The following TET2 variants were observed in gnomAD, a reference collection of about 807,000 sequenced individuals.
TET2 encodes methylcytosine dioxygenase TET2.
TET2 carries 299 observed loss-of-function variants against 142.9 expected under a neutral mutation model. The observed-to-expected ratio is 2.09, with a 90% CI of 1.90 to 2.30. TET2 has a LOEUF of 2.30. Among genes scored for constraint, TET2 ranks in the 30% most tolerant of loss-of-function variants. TET2 has a pLI of 0.00. For synonymous variants in TET2, 819 were observed against 849.0 expected (o/e 0.96, Z 0.61); for missense variants, 2,418 against 2,378.0 (o/e 1.02, Z -0.35).
At chr4:105,262,319 A>G (rs969880128) in intron 8 of TET2, among the ~76,000 whole-genome samples, 2 of 152,130 alleles carry the variant, frequency 1.3e-5, no homozygotes, top group Non-Finnish European at 2.9e-5. Context: ...GATTTTGCTG[A>G]TCTTCCTTTT....
At chr4:105,150,929 AT>A (rs1723266009) in intron 1 of TET2, among the ~76,000 whole-genome samples, 1 of 152,214 alleles carries the variant, frequency 6.6e-6, no homozygotes, top group Non-Finnish European at 1.5e-5. Context: ...TTCCAGCATT[AT>A]TTTTGTCCTA....
intron 2 of TET2, among the ~76,000 whole-genome samples, chr4:105,199,231 A>G (rs1223806521): frequency 1.3e-5 from 2 of 152,228 alleles, no homozygotes; most frequent in African/African-American, 2.4e-5. Flanking sequence ...TTACATCCTT[A>G]TAGGGCTCTC....
At chr4:105,204,234 TACAC>T (rs763239434) in intron 2 of TET2, among the ~76,000 whole-genome samples, 5,360 of 125,916 alleles carry the variant, frequency 0.043, 360 homozygotes, top group African/African-American at 0.15. Flanking sequence ...AAAAAATATA[TACAC>T]ACACACACAC....
intron 1 of TET2, among the ~76,000 whole-genome samples, chr4:105,172,731 A>G (rs1724546160): frequency 6.6e-6 from 1 of 152,232 alleles, no homozygotes; most frequent in Non-Finnish European, 1.5e-5. Flanking sequence ...GGTTTCTTGC[A>G]GATTGTTTGT....
At chr4:105,271,618 G>A (rs2647230) in intron 9 of TET2, among the ~76,000 whole-genome samples, 96,101 of 152,048 alleles carry the variant, frequency 0.63, 31,522 homozygotes, top group African/African-American at 0.83. Flanking sequence ...ATCTCATGTT[G>A]AAGTTATTTC....
chr4:105,187,755 C>T (rs1389600701), intron 1 of TET2, among the ~76,000 whole-genome samples: 2 of 152,136 alleles, frequency 1.3e-5, no homozygotes, highest in African/African-American at 4.8e-5. Flanking sequence ...TACTTGAGTA[C>T]TGCAATAAGC....
chr4:105,152,622 G>A (rs189146770), intron 1 of TET2, among the ~76,000 whole-genome samples: 1 of 115,536 alleles, frequency 8.7e-6, no homozygotes, highest in Non-Finnish European at 1.7e-5. Flanking sequence ...TTTTGAGACG[G>A]TATCTTGCTC....
In TET2 at chr4:105,278,832, T is replaced by C. The variant is rs1731335594; in HGVS notation, c.*2313T>C. On this transcript the variant is annotated 3_prime_UTR_variant, in exon 11 of 11. Transcript: ENST00000380013. ...TTGGCCAGAGACTTACTTGTAACTCTCTAAATGAAGTTTTTTTGATCCTGT... is the reference window on the plus strand; with the variant it reads ...TTGGCCAGAGACTTACTTGTAACTCCCTAAATGAAGTTTTTTTGATCCTGT... The C allele has an allele frequency of 1.3e-5, 3 of 232,952 alleles. No individual in the cohort carries two copies. The South Asian group carries it at 5.4e-4, about 42-fold the overall frequency. The allele number at this position is 232,952 out of a possible 1,614,324, so 14.4% of individuals were successfully genotyped here.
At chr4:105,163,806 CGAGAGAGAGAGAGAGAGA>C (rs59658275) in intron 1 of TET2, among the ~76,000 whole-genome samples, 7,508 of 79,946 alleles carry the variant, frequency 0.094, 347 homozygotes, top group African/African-American at 0.12. Flanking sequence ...TCGAAAGTTT[CGAGAGAGAGAGAGAGAGA>C]GAGAGAGAGA....
At chr4:105,241,846 A>T in intron 4 of TET2, 2 of 1,247,786 alleles carry the variant, frequency 1.6e-6, no homozygotes, top group Non-Finnish European at 2.0e-6. Context: ...TAGTGTTGCA[A>T]ATGAGTACTT....
At chr4:105,218,526 C>A (rs181837624) in intron 2 of TET2, among the ~76,000 whole-genome samples, 18 of 152,158 alleles carry the variant, frequency 1.2e-4, no homozygotes, top group African/African-American at 4.3e-4. Context: ...TTAATTGAAG[C>A]CCCAGTAGAT....
intron 1 of TET2, among the ~76,000 whole-genome samples, chr4:105,163,023 G>GA (rs1299995302): frequency 6.6e-6 from 1 of 151,402 alleles, no homozygotes; most frequent in Non-Finnish European, 1.5e-5. Flanking sequence ...AAAAGGATGA[G>GA]AAAAAAAAGT....
Position 105,275,232 on chromosome 4 carries a change from T to A in TET2, c.4722T>A (p.Asn1574Lys). 1 of 1,552,310 alleles carries A rather than the reference T, an allele frequency of 6.4e-7. No homozygotes were observed. The highest frequency in any genetic ancestry group is 1.2e-5 in the South Asian group (1 of 84,056). The change falls in exon 11 of 11, where the codon AAT becomes AAA. Residue 1574 changes from asparagine to lysine, a missense_variant. Asn to Lys is a moderately conservative substitution (Grantham distance 94). Coordinates refer to ENST00000380013, the MANE Select transcript of TET2 (RefSeq NM_001127208.3). ...GSTNPYMRRPNPVSPYPNSSH... is the reference protein window; with the variant it reads ...GSTNPYMRRPKPVSPYPNSSH... ...CCAATCCATACATGAGACGGCCCAA[T>A]CCAGTTAGTCCTTATCCAAACTCTT... is the stretch of plus-strand genomic sequence containing the variant.
At chr4:105,215,852 C>T (rs1294121352) in intron 2 of TET2, among the ~76,000 whole-genome samples, 1 of 152,122 alleles carries the variant, frequency 6.6e-6, no homozygotes, top group East Asian at 1.9e-4. Context: ...CCTTTTTTAG[C>T]AGAGCAGTGT....
At position 105,235,900 on chromosome 4, in the gene TET2, TC is replaced by T. The variant is rs1267879228; in HGVS notation, c.1960del (p.Gln654LysfsTer46). 4 of 1,613,876 alleles carry T rather than the reference TC, an allele frequency of 2.5e-6. No individual in the cohort carries two copies. Among genetic ancestry groups the T allele is most frequent in the Non-Finnish European group, 3.4e-6 (4 of 1,179,994 alleles). On this transcript the variant is annotated frameshift_variant, in exon 3 of 11. Transcript: ENST00000380013. LOFTEE classifies it high-confidence loss of function. Reference sequence around the variant, plus strand: ...GGTACAGTGGACCAACATCTCCAGTTCCAAAAACCCTCACACCAGGTGCACT... The same window carrying T: ...GGTACAGTGGACCAACATCTCCAGTTCAAAAACCCTCACACCAGGTGCACT... ...SQGTVDQHLQ[F>X]QKPSHQVHFS... is the part of the protein sequence containing the mutation.
At chr4:105,220,657 A>G (rs1015027045) in intron 2 of TET2, among the ~76,000 whole-genome samples, 1 of 152,044 alleles carries the variant, frequency 6.6e-6, no homozygotes, top group African/African-American at 2.4e-5. Flanking sequence ...GGATGTTGCT[A>G]TTTTTCTGCC....
In TET2 at chr4:105,190,720, G is replaced by A. The variant is rs1224384061; in HGVS notation, c.-47+215G>A. 7 of 444,188 alleles carry A rather than the reference G, an allele frequency of 1.6e-5. No individual in the cohort carries two copies. In the Admixed American group the frequency reaches 2.8e-4, roughly 18 times the overall value. 27.5% of individuals were successfully genotyped at this position (444,188 alleles called of 1,614,324 possible). On this transcript the variant is annotated intron_variant, in intron 2 of 10. Coordinates refer to ENST00000380013, the MANE Select transcript of TET2 (RefSeq NM_001127208.3). ...ACTTATGTATAGCTGTATTTTTCTG[G>A]AGAAAGATAGATTTTTATCAATTCT...
chr4:105,189,544 C>A (rs559031822), intron 1 of TET2, among the ~76,000 whole-genome samples: 43 of 152,306 alleles, frequency 2.8e-4, no homozygotes, highest in Non-Finnish European at 5.3e-4. Flanking sequence ...CTCAAAACAA[C>A]GCTTTCTCCC....
chr4:105,149,636 T>G (rs1358800310), intron 1 of TET2, among the ~76,000 whole-genome samples: 1 of 152,214 alleles, frequency 6.6e-6, no homozygotes, highest in Non-Finnish European at 1.5e-5. Context: ...GATAGATAGC[T>G]TTTCTTAACT....
Sources: gnomAD v4.1 joint callset for allele counts (sites outside exome capture counted in the v4.1 genomes callset) on GRCh38, gnomAD v4.1.1 for gene constraint, MANE v1.5 for transcripts, NCBI Gene and HGNC (gene_info 2026-07-23, HGNC 2026-07-21) for gene names.